The following EIPR1 variants were observed in gnomAD, a reference collection of about 807,000 sequenced individuals.
The protein encoded by EIPR1 is EARP complex and GARP complex interacting protein 1.
A neutral mutation model predicts 48.1 loss-of-function variants in EIPR1; 25 were observed. The observed-to-expected ratio is 0.52, with a 90% confidence interval of 0.38 to 0.73. EIPR1 has a LOEUF of 0.73. Among genes scored for constraint, EIPR1 ranks in the 30% least tolerant of loss-of-function variants. EIPR1 has a pLI of 0.00. For missense variants in EIPR1, 415 were observed against 506.2 expected (o/e 0.82, Z 1.73); for synonymous variants, 204 against 201.9 (o/e 1.01, Z -0.09).
At chr2:3,269,665 C>T (rs536321581) in intron 3 of EIPR1, among the ~76,000 whole-genome samples, 2 of 147,984 alleles carry the variant, frequency 1.4e-5, no homozygotes, top group East Asian at 3.9e-4. Flanking sequence ...TCAATCATCA[C>T]ACTCAATCAT....
intron 4 of EIPR1, among the ~76,000 whole-genome samples, chr2:3,244,693 T>C (rs12053267): frequency 0.57 from 86,362 of 152,038 alleles, 24,862 homozygotes; most frequent in East Asian, 0.75. Flanking sequence ...GACACCAACT[T>C]AGCCAGCGCC....
intron 4 of EIPR1, among the ~76,000 whole-genome samples, chr2:3,220,492 T>C (rs919293424): frequency 2.0e-5 from 3 of 151,934 alleles, no homozygotes; most frequent in Admixed American, 2.0e-4. Flanking sequence ...ATGGCCGTGG[T>C]ACATTCTAGA....
chr2:3,224,097 T>C (rs1363314721), intron 4 of EIPR1, among the ~76,000 whole-genome samples: 1 of 152,230 alleles, frequency 6.6e-6, no homozygotes, highest in Non-Finnish European at 1.5e-5. Context: ...ATGACTTTAT[T>C]TCATTCCAGG....
chr2:3,253,954 C>T (rs549911017), intron 4 of EIPR1, among the ~76,000 whole-genome samples: 6 of 152,306 alleles, frequency 3.9e-5, no homozygotes, highest in African/African-American at 9.6e-5. Flanking sequence ...GGCGTGATGG[C>T]AGCTGGAGTG....
intron 3 of EIPR1, among the ~76,000 whole-genome samples, chr2:3,263,050 A>G (rs922709909): frequency 3.3e-5 from 5 of 152,204 alleles, no homozygotes; most frequent in African/African-American, 9.6e-5. Context: ...TTTTAGCTGA[A>G]GAAGGAGAAG....
chr2:3,374,581 A>G (rs1270663248), intron 1 of EIPR1, among the ~76,000 whole-genome samples: 1 of 152,236 alleles, frequency 6.6e-6, no homozygotes, highest in East Asian at 1.9e-4. Flanking sequence ...ATATGAGCAG[A>G]CACTTCTCAA....
intron 2 of EIPR1, among the ~76,000 whole-genome samples, chr2:3,338,736 A>G (rs1670143142): frequency 1.3e-5 from 2 of 152,246 alleles, no homozygotes; most frequent in Admixed American, 6.5e-5. Context: ...GGTGTCTATT[A>G]TCTTATGATA....
intron 3 of EIPR1, among the ~76,000 whole-genome samples, chr2:3,259,687 G>A (rs542590633): frequency 6.6e-6 from 1 of 152,272 alleles, no homozygotes; most frequent in South Asian, 2.1e-4. Context: ...AACAAAGAGG[G>A]GTTTTTCTTT....
intron 1 of EIPR1, among the ~76,000 whole-genome samples, chr2:3,363,383 T>C (rs1032800019): frequency 5.3e-5 from 8 of 152,260 alleles, no homozygotes; most frequent in African/African-American, 1.4e-4. Context: ...GAAGGAATCA[T>C]CTTTCTAAAA....
chr2:3,246,825 A>AGGTAGGG (rs1558248796), intron 4 of EIPR1, among the ~76,000 whole-genome samples: 1 of 9,556 alleles, frequency 1.0e-4, no homozygotes, highest in African/African-American at 4.5e-4. Flanking sequence ...GGGAGGGAGG[A>AGGTAGGG]AGGGAGGGAA....
chr2:3,232,124 G>A (rs1379547016), intron 4 of EIPR1, among the ~76,000 whole-genome samples: 1 of 152,144 alleles, frequency 6.6e-6, no homozygotes, highest in Non-Finnish European at 1.5e-5. Flanking sequence ...ATTGTTCACA[G>A]TAGTCTCTTA....
At chr2:3,236,127 C>T (rs916020378) in intron 4 of EIPR1, among the ~76,000 whole-genome samples, 55 of 152,308 alleles carry the variant, frequency 3.6e-4, no homozygotes, top group African/African-American at 1.3e-3. Flanking sequence ...GCCCGCAGCA[C>T]AGAACTGAAC....
chr2:3,287,423 A>G (rs1422965978), intron 3 of EIPR1, among the ~76,000 whole-genome samples: 1 of 146,716 alleles, frequency 6.8e-6, no homozygotes, highest in Non-Finnish European at 1.5e-5. Context: ...CACGCTCCGG[A>G]AAGCTCGTTC....
At chr2:3,324,605 C>T (rs545565189) in intron 3 of EIPR1, among the ~76,000 whole-genome samples, 17 of 152,380 alleles carry the variant, frequency 1.1e-4, no homozygotes, top group Admixed American at 7.8e-4. Flanking sequence ...TTCTGAAAGC[C>T]GACCCTGCCC....
intron 2 of EIPR1, among the ~76,000 whole-genome samples, chr2:3,344,191 C>T (rs2103360332): frequency 1.3e-5 from 2 of 152,388 alleles, no homozygotes; most frequent in East Asian, 3.9e-4. Context: ...CCCCAGCTCT[C>T]ACCCTGACGG....
At chr2:3,330,714 C>G (rs1004933057) in intron 3 of EIPR1, among the ~76,000 whole-genome samples, 14 of 97,450 alleles carry the variant, frequency 1.4e-4, no homozygotes, top group Admixed American at 2.8e-4. Context: ...CATGCACACT[C>G]ATGAGACAGT....
chr2:3,273,072 C>G (rs1232128598), intron 3 of EIPR1, among the ~76,000 whole-genome samples: 2 of 152,170 alleles, frequency 1.3e-5, no homozygotes, highest in Admixed American at 6.5e-5. Flanking sequence ...TTATGTGAAG[C>G]CCAGGGATGG....
At chr2:3,367,541 A>G (rs547323218) in intron 1 of EIPR1, among the ~76,000 whole-genome samples, 105 of 152,360 alleles carry the variant, frequency 6.9e-4, no homozygotes, top group African/African-American at 2.5e-3. Context: ...CTCAACGAAG[A>G]AAATACACAG....
Position 3,323,859 on chromosome 2 carries a change from C to G in EIPR1, c.259+14158G>C, listed in dbSNP as rs554025004. ...ATCTGCATAAGGAGGCAGCACAGTG[C>G]GTGGCACAGGCAGCACTGGGCCCTG... On this transcript the variant is annotated intron_variant, in intron 3 of 8. Coordinates refer to ENST00000382125, the MANE Select transcript of EIPR1 (RefSeq NM_003310.5). 3.3e-5 allele frequency among the ~76,000 whole-genome samples: 5 copies of G among 152,330 alleles called. No individual in the cohort carries two copies. The East Asian group carries it at 7.7e-4, about 24-fold the overall frequency.
Sources: gnomAD v4.1 joint callset for allele counts (sites outside exome capture counted in the v4.1 genomes callset) on GRCh38, gnomAD v4.1.1 for gene constraint, MANE v1.5 for transcripts, NCBI Gene and HGNC (gene_info 2026-07-23, HGNC 2026-07-21) for gene names.